The following UTS2 variants were observed in gnomAD, a reference collection of about 807,000 sequenced individuals.
The protein encoded by UTS2 is urotensin-2.
Under a neutral mutation model 12.6 loss-of-function variants are expected in UTS2, and 10 were observed. The ratio of observed to expected loss-of-function variants is 0.80; its 90% CI spans 0.49 to 1.35. The LOEUF (loss-of-function observed/expected upper bound fraction) is 1.35, where lower values mean the gene tolerates loss of function less well. Among genes scored for constraint, UTS2 ranks in the 40% most tolerant of loss-of-function variants. The pLI is 0.00. For synonymous variants in UTS2, 52 were observed against 50.0 expected (o/e 1.04, Z -0.17); for missense variants, 142 against 143.2 (o/e 0.99, Z 0.04).
chr1:7,892,469 G>GTTTTTTTT, the UTS2 span, among the ~76,000 whole-genome samples: 2 of 77,752 alleles, frequency 2.6e-5, no homozygotes, highest in Non-Finnish European at 4.6e-5. Context: ...CCTCATGCAT[G>GTTTTTTTT]TTTTTTTTTT....
At chr1:7,869,385 T>C in the UTS2 span, among the ~76,000 whole-genome samples, 1 of 152,136 alleles carries the variant, frequency 6.6e-6, no homozygotes, top group East Asian at 1.9e-4. Flanking sequence ...TTGTGTGAGG[T>C]TGGACCACAT....
the UTS2 span, among the ~76,000 whole-genome samples, chr1:7,913,060 A>G: frequency 5.9e-3 from 880 of 149,606 alleles, 7 homozygotes; most frequent in African/African-American, 0.021. Context: ...TCTCCTCAAG[A>G]GCTAATAGTC....
chr1:7,857,100 A>AAAGGAAGGAAGGAAGGAAGGAAGG (rs754358229), upstream of UTS2, among the ~76,000 whole-genome samples: 9,556 of 64,112 alleles, frequency 0.15, 885 homozygotes, highest in Middle Eastern at 0.17. Context: ...GGAAGGAAGA[A>AAAGGAAGGAAGGAAGGAAGGAAGG]AAGGAATGAA....
At chr1:7,902,082 G>A in the UTS2 span, among the ~76,000 whole-genome samples, 17 of 152,280 alleles carry the variant, frequency 1.1e-4, no homozygotes, top group Admixed American at 4.6e-4. Context: ...TGGGAGGGAA[G>A]CTTTGGGGCT....
chr1:7,899,147 T>C, the UTS2 span, among the ~76,000 whole-genome samples: 50 of 152,206 alleles, frequency 3.3e-4, 1 homozygote, highest in East Asian at 9.5e-3. Flanking sequence ...TTGACTATAA[T>C]GAGAACAGCA....
chr1:7,896,505 T>G, the UTS2 span, among the ~76,000 whole-genome samples: 2 of 152,144 alleles, frequency 1.3e-5, no homozygotes, highest in East Asian at 3.8e-4. Flanking sequence ...GAAAATGAAA[T>G]GTTCCTGAGG....
chr1:7,864,212 C>T, the UTS2 span, among the ~76,000 whole-genome samples: 2 of 152,166 alleles, frequency 1.3e-5, no homozygotes, highest in Non-Finnish European at 1.5e-5. Flanking sequence ...ATCAAGGTGT[C>T]GGCAGGGCTG....
intron 2 of UTS2, 144 bp downstream of exon 2, chr1:7,850,668 G>T: frequency 1.3e-6 from 1 of 763,012 alleles, no homozygotes; most frequent in Non-Finnish European, 2.1e-6. Context: ...GCACAGGCCG[G>T]GAGGGGAGAG....
At chr1:7,907,663 G>A in the UTS2 span, among the ~76,000 whole-genome samples, 7 of 150,436 alleles carry the variant, frequency 4.7e-5, no homozygotes, top group African/African-American at 9.8e-5. Context: ...AAAAATTAGC[G>A]ACCACAACAA....
chr1:7,851,042 T>C, intron 1 of UTS2, 120 bp from the exon 2 acceptor site: 2 of 857,432 alleles, frequency 2.3e-6, no homozygotes, highest in Non-Finnish European at 3.7e-6. Context: ...CTTCCAACGC[T>C]GAGTTCATGA....
At chr1:7,890,023 C>T in the UTS2 span, among the ~76,000 whole-genome samples, 6 of 151,340 alleles carry the variant, frequency 4.0e-5, no homozygotes, top group East Asian at 3.9e-4. Flanking sequence ...GTGGAGATCG[C>T]GCCGCTGCAC....
At chr1:7,865,922 G>C in the UTS2 span, among the ~76,000 whole-genome samples, 1 of 152,158 alleles carries the variant, frequency 6.6e-6, no homozygotes, top group Non-Finnish European at 1.5e-5. Context: ...GTGACAGAGT[G>C]AGACCCCGTC....
At chr1:7,854,217 G>A (rs1023671251), upstream of UTS2, among the ~76,000 whole-genome samples, 1 of 151,986 alleles carries the variant, frequency 6.6e-6, no homozygotes, top group Non-Finnish European at 1.5e-5. Flanking sequence ...GGTGGCACGT[G>A]CCTGTAATCC....
the UTS2 span, among the ~76,000 whole-genome samples, chr1:7,887,692 A>G: frequency 1.3e-5 from 2 of 150,956 alleles, no homozygotes; most frequent in Non-Finnish European, 3.0e-5. Context: ...CTTGAGTCCA[A>G]GAGGAGGCGG....
intron 2 of UTS2, 21 bp from the exon 3 acceptor site, chr1:7,849,704 C>T (rs753608808): frequency 1.2e-6 from 2 of 1,600,436 alleles, no homozygotes; most frequent in Non-Finnish European, 1.7e-6. Flanking sequence ...GTTTTGAAGC[C>T]AGTTCATCAG....
chr1:7,875,475 G>A, the UTS2 span, among the ~76,000 whole-genome samples: 1 of 152,114 alleles, frequency 6.6e-6, no homozygotes, highest in Non-Finnish European at 1.5e-5. Flanking sequence ...CCTTCCCAGG[G>A]CGTGAGGACA....
chr1:7,855,228 C>G (rs1638284715), upstream of UTS2, among the ~76,000 whole-genome samples: 2 of 152,210 alleles, frequency 1.3e-5, no homozygotes, highest in South Asian at 4.1e-4. Flanking sequence ...AATAGATGAA[C>G]AAAACTGATA....
At chr1:7,885,717 G>C in the UTS2 span, among the ~76,000 whole-genome samples, 19 of 152,128 alleles carry the variant, frequency 1.2e-4, no homozygotes, top group Admixed American at 9.8e-4. Flanking sequence ...GAGTGGGCGT[G>C]GCAAGGGAAG....
chr1:7,889,457 AAAAAAAGAAAAG>A, the UTS2 span, among the ~76,000 whole-genome samples: 11 of 149,778 alleles, frequency 7.3e-5, no homozygotes, highest in Non-Finnish European at 1.3e-4. Context: ...AAAAAAAAAA[AAAAAAAGAAAAG>A]AAAAGATGAG....
Sources: gnomAD v4.1 joint callset for allele counts (sites outside exome capture counted in the v4.1 genomes callset) on GRCh38, gnomAD v4.1.1 for gene constraint, MANE v1.5 for transcripts, NCBI Gene and HGNC (gene_info 2026-07-23, HGNC 2026-07-21) for gene names.